Variants in PHF21A observed in about 807,000 individuals in gnomAD.
The protein encoded by PHF21A is BHC80a.
PHF21A carries 11 observed loss-of-function variants against 82.5 expected under a neutral mutation model. That is an observed-to-expected ratio of 0.13 (90% CI 0.08 to 0.22). The LOEUF (loss-of-function observed/expected upper bound fraction) is 0.22. Among genes scored for constraint, PHF21A ranks in the 10% least tolerant of loss-of-function variants. The pLI is 1.00. For missense variants in PHF21A, 579 were observed against 837.8 expected (o/e 0.69, Z 3.81); for synonymous variants, 297 against 302.8 (o/e 0.98, Z 0.20).
At chr11:46,084,719 G>A (rs965110815) in intron 3 of PHF21A, among the ~76,000 whole-genome samples, 2 of 147,982 alleles carry the variant, frequency 1.4e-5, no homozygotes, top group African/African-American at 2.5e-5. Context: ...TCGCTCTGTC[G>A]CCCAGGCTGG....
chr11:45,935,730 T>A lies in PHF21A; in HGVS notation c.1694A>T (p.Glu565Val). 8.8e-7 allele frequency: 1 copy of A among 1,137,110 alleles called. No individual in the cohort carries two copies. Among genetic ancestry groups the A allele is most frequent in the Non-Finnish European group, 1.3e-6 (1 of 786,044 alleles). The allele number at this position is 1,137,110 out of a possible 1,614,324, so 70.4% of individuals were successfully genotyped here. Residue 565 changes from glutamate to valine, a missense_variant, in exon 18 of 19, where the codon GAA becomes GTA. Around this residue, in one of 3 missense-constraint regions of PHF21A, gnomAD observed 157 missense variants for 149.4 expected, o/e 1.05. Coordinates refer to ENST00000676320, the MANE Select transcript of PHF21A (RefSeq NM_001352027.3). ...SYIAYKAAKE[E>V]EKQKLLKWSS... ...CCATTTAAGTAACTTCTGTTTCTCTTCTTCTTTTGCTAAAAAAAAAAAAAA... is the reference window on the plus strand; with the variant it reads ...CCATTTAAGTAACTTCTGTTTCTCTACTTCTTTTGCTAAAAAAAAAAAAAA...
At position 45,933,963 on chromosome 11, in the gene PHF21A, C is replaced by T; in HGVS notation, c.*5G>A. ...GATCCCGTGGCTTCTCCTAGAGGGGCTCTGTTATTTAGTCTCTTCCCCCTG... is the reference window on the plus strand; with the variant it reads ...GATCCCGTGGCTTCTCCTAGAGGGGTTCTGTTATTTAGTCTCTTCCCCCTG... On this transcript the variant is annotated 3_prime_UTR_variant, in exon 19 of 19. Coordinates refer to ENST00000676320, the MANE Select transcript of PHF21A (RefSeq NM_001352027.3). 1 of 1,533,480 alleles carries T rather than the reference C, an allele frequency of 6.5e-7. No homozygotes were observed. Among genetic ancestry groups the T allele is most frequent in the South Asian group, 1.3e-5 (1 of 78,102 alleles). 95.0% of individuals were successfully genotyped at this position (1,533,480 alleles called of 1,614,324 possible).
At chr11:46,101,808 G>A (rs1320283156) in intron 1 of PHF21A, among the ~76,000 whole-genome samples, 4 of 150,852 alleles carry the variant, frequency 2.7e-5, no homozygotes, top group Non-Finnish European at 4.4e-5. Flanking sequence ...GCTAATTTTT[G>A]TATTTTTTGT....
In PHF21A at chr11:45,933,792, G is replaced by A. The variant is rs899369031; in HGVS notation, c.*176C>T. ...ATCTTTGCATGTACACACAGAATAA[G>A]AAGGATCAATTGGCAAACTCTGGTG... On this transcript the variant is annotated 3_prime_UTR_variant, in exon 19 of 19. Transcript: ENST00000676320. 1.8e-6 allele frequency: 1 copy of A among 561,102 alleles called. No homozygotes were observed. Among genetic ancestry groups the A allele is most frequent in the African/African-American group, 1.9e-5 (1 of 52,382 alleles). The allele number at this position is 561,102 out of a possible 1,614,324, so 34.8% of individuals were successfully genotyped here. A position where few individuals can be genotyped will look rare whatever the true frequency, so the allele number is the denominator to read the frequency against.
chr11:46,067,750 T>C (rs1043988764), intron 6 of PHF21A, among the ~76,000 whole-genome samples: 1 of 152,238 alleles, frequency 6.6e-6, no homozygotes, highest in Non-Finnish European at 1.5e-5. Flanking sequence ...TCTACCATTC[T>C]AGACTTGAGG....
intron 3 of PHF21A, among the ~76,000 whole-genome samples, chr11:46,089,790 C>CT: frequency 8.0e-6 from 1 of 125,718 alleles, no homozygotes; most frequent in East Asian, 2.3e-4. Context: ...TTTCTAATCT[C>CT]TATTTGTTTT....
chr11:46,085,805 T>C (rs1183305579), intron 3 of PHF21A, among the ~76,000 whole-genome samples: 1 of 152,158 alleles, frequency 6.6e-6, no homozygotes, highest in Non-Finnish European at 1.5e-5. Context: ...AATCATTAAC[T>C]AGGGAGTATA....
At position 45,930,434 on chromosome 11, in the gene PHF21A, T is replaced by A. The variant is rs1393459181; in HGVS notation, c.*3534A>T. 6.6e-6 allele frequency: 1 copy of A among 152,238 alleles called. No homozygotes were observed. The highest frequency in any genetic ancestry group is 1.5e-5 in the Non-Finnish European group (1 of 68,090). 9.4% of individuals were successfully genotyped at this position (152,238 alleles called of 1,614,324 possible). On this transcript the variant is annotated 3_prime_UTR_variant, in exon 19 of 19. Coordinates refer to ENST00000676320, the MANE Select transcript of PHF21A (RefSeq NM_001352027.3). Reference sequence around the variant, plus strand: ...GGCCCCACCAGGGACTGCCCCTAACTGCCTCCCTATGTCAGGTACAACCAG... The same window carrying A: ...GGCCCCACCAGGGACTGCCCCTAACAGCCTCCCTATGTCAGGTACAACCAG...
At chr11:45,957,888 G>C (rs978324241) in intron 10 of PHF21A, among the ~76,000 whole-genome samples, 9 of 151,790 alleles carry the variant, frequency 5.9e-5, no homozygotes, top group Non-Finnish European at 1.0e-4. Flanking sequence ...CTCTGGCTTA[G>C]ACTAAGAAAA....
intron 1 of PHF21A, among the ~76,000 whole-genome samples, chr11:46,100,768 C>A (rs567957978): frequency 6.6e-6 from 1 of 152,120 alleles, no homozygotes; most frequent in African/African-American, 2.4e-5. Context: ...ATAAGTCTAC[C>A]ATTACCTTGT....
intron 6 of PHF21A, among the ~76,000 whole-genome samples, chr11:46,016,971 A>G (rs957044893): frequency 1.9e-4 from 28 of 147,948 alleles, no homozygotes; most frequent in Non-Finnish European, 3.8e-4. Context: ...TTTAACCTGG[A>G]TTTTTTTTTT....
At chr11:45,941,932 G>A (rs2090430108) in intron 15 of PHF21A, among the ~76,000 whole-genome samples, 1 of 152,206 alleles carries the variant, frequency 6.6e-6, no homozygotes, top group Non-Finnish European at 1.5e-5. Context: ...ACATCCAGAG[G>A]ATTAGTGTCT....
chr11:45,949,599 T>A, intron 12 of PHF21A, 118 bp from the exon 13 acceptor site: 1 of 865,534 alleles, frequency 1.2e-6, no homozygotes. Flanking sequence ...CAAGTCTCTG[T>A]TTCACTGAAG....
chr11:45,950,327 G>A (rs937735371), intron 11 of PHF21A, 70 bp from the exon 12 acceptor site: 3 of 1,376,138 alleles, frequency 2.2e-6, no homozygotes, highest in Non-Finnish European at 3.1e-6. Flanking sequence ...CCAGTTCCTA[G>A]TAGGACATTA....
intron 1 of PHF21A, among the ~76,000 whole-genome samples, chr11:46,114,579 A>T (rs950076599): frequency 2.0e-5 from 3 of 152,212 alleles, no homozygotes; most frequent in Admixed American, 2.0e-4. Flanking sequence ...CATACTGTCC[A>T]TAAGGCCAGA....
intron 11 of PHF21A, among the ~76,000 whole-genome samples, chr11:45,953,051 C>G (rs1193369227): frequency 2.6e-5 from 4 of 152,184 alleles, no homozygotes; most frequent in Non-Finnish European, 5.9e-5. Flanking sequence ...GCTACTGATT[C>G]ATTTGGGGTT....
At chr11:46,098,531 A>G (rs1359523493) in intron 1 of PHF21A, among the ~76,000 whole-genome samples, 1 of 152,146 alleles carries the variant, frequency 6.6e-6, no homozygotes, top group Non-Finnish European at 1.5e-5. Context: ...TTGCTTCCTC[A>G]CTCTATAAAG....
At chr11:46,106,545 T>C (rs1422340350) in intron 1 of PHF21A, among the ~76,000 whole-genome samples, 1 of 152,186 alleles carries the variant, frequency 6.6e-6, no homozygotes, top group Non-Finnish European at 1.5e-5. Flanking sequence ...GTTACAAAGT[T>C]TGGTCTTCGA....
At chr11:46,071,702 G>T (rs2096658186) in intron 6 of PHF21A, among the ~76,000 whole-genome samples, 1 of 148,870 alleles carries the variant, frequency 6.7e-6, no homozygotes, top group African/African-American at 2.5e-5. Context: ...ATATAAAAGG[G>T]TATATCTATC....
Sources: gnomAD v4.1 joint callset for allele counts (sites outside exome capture counted in the v4.1 genomes callset) on GRCh38, gnomAD v4.1.1 for gene constraint, gnomAD v4.1.1 regional missense constraint, MANE v1.5 for transcripts, NCBI Gene and HGNC (gene_info 2026-07-23, HGNC 2026-07-21) for gene names.